MEF2A: variants seen among roughly 807,000 people sequenced by gnomAD.
MEF2A encodes myocyte enhancer factor 2A.
In MEF2A, 28 loss-of-function variants were observed where a neutral mutation model predicts 55.8. The ratio of observed to expected loss-of-function variants is 0.50; its 90% CI spans 0.37 to 0.69. The LOEUF (loss-of-function observed/expected upper bound fraction) is 0.69, where lower values mean the gene tolerates loss of function less well. Among genes scored for constraint, MEF2A ranks in the 30% least tolerant of loss-of-function variants. MEF2A has a pLI of 0.00. For missense variants in MEF2A, 528 were observed against 626.2 expected (o/e 0.84, Z 1.67); for synonymous variants, 239 against 227.1 (o/e 1.05, Z -0.47).
rs1207997036 is a variant in MEF2A at position 99,566,113 on chromosome 15, C to G, written c.-225+9C>G. 1 of 150,036 alleles carries G rather than the reference C, an allele frequency of 6.7e-6. No individual in the cohort carries two copies. Among genetic ancestry groups the G allele is most frequent in the Non-Finnish European group, 1.5e-5 (1 of 67,862 alleles). 9.3% of individuals were successfully genotyped at this position (150,036 alleles called of 1,614,324 possible). A position where few individuals can be genotyped will look rare whatever the true frequency, so the allele number is the denominator to read the frequency against. On this transcript the variant is annotated intron_variant, in intron 1 of 11. Coordinates refer to ENST00000557942, the MANE Select transcript of MEF2A (RefSeq NM_001319206.4). ...GCTGCTCCGGAGATACGGTGAGGGC[C>G]GCGGGCAGCGGGGCTCAGTCCGCGA...
At chr15:99,636,226 T>G (rs2043807761) in intron 3 of MEF2A, among the ~76,000 whole-genome samples, 1 of 152,232 alleles carries the variant, frequency 6.6e-6, no homozygotes, top group African/African-American at 2.4e-5. Context: ...TGTTTTCTTC[T>G]AATGGGCTGC....
At chr15:99,706,943 TATTGAA>T in intron 10 of MEF2A, 88 bp downstream of exon 10, 2 of 1,415,784 alleles carry the variant, frequency 1.4e-6, no homozygotes, top group Non-Finnish European at 1.9e-6. Context: ...TAAGTATATT[TATTGAA>T]ATAAACTATT....
At chr15:99,642,180 T>G (rs1301605389) in intron 3 of MEF2A, among the ~76,000 whole-genome samples, 1 of 152,180 alleles carries the variant, frequency 6.6e-6, no homozygotes, top group Non-Finnish European at 1.5e-5. Flanking sequence ...AGATTTGGTC[T>G]TCTGACTTTG....
intron 1 of MEF2A, among the ~76,000 whole-genome samples, chr15:99,594,689 A>G (rs1327045633): frequency 1.3e-5 from 2 of 152,118 alleles, no homozygotes; most frequent in African/African-American, 4.8e-5. Flanking sequence ...ACTGGCATGC[A>G]AGAGACACTT....
intron 4 of MEF2A, among the ~76,000 whole-genome samples, chr15:99,661,709 A>T (rs1376557266): frequency 6.6e-6 from 1 of 152,092 alleles, no homozygotes; most frequent in East Asian, 1.9e-4. Context: ...CAATTACTTT[A>T]AAAGACAGTT....
intron 1 of MEF2A, among the ~76,000 whole-genome samples, chr15:99,587,400 A>G (rs1967705706): frequency 6.6e-6 from 1 of 151,956 alleles, no homozygotes; most frequent in Admixed American, 6.6e-5. Flanking sequence ...TCCTTTTTTT[A>G]TGGCTGCCTT....
At chr15:99,682,501 C>T (rs1241527939) in intron 7 of MEF2A, among the ~76,000 whole-genome samples, 1 of 152,136 alleles carries the variant, frequency 6.6e-6, no homozygotes, top group Non-Finnish European at 1.5e-5. Flanking sequence ...TGAAAAATAT[C>T]TTCATTTTTG....
At chr15:99,675,561 G>A in intron 7 of MEF2A, 103 bp downstream of exon 7, 1 of 989,948 alleles carries the variant, frequency 1.0e-6, no homozygotes, top group African/African-American at 1.6e-5. Flanking sequence ...TCCTTCTGAA[G>A]GGTACTTTCA....
In MEF2A at chr15:99,611,824, A is replaced by G. The variant is rs555280302; in HGVS notation, c.-143+13313A>G. Among the ~76,000 whole-genome samples the G allele has an allele frequency of 3.3e-5, 5 of 152,368 alleles. No individual in the cohort carries two copies. The East Asian group carries it at 9.6e-4, about 29-fold the overall frequency. ...AAATGTGGTGTATCCATACAGTACA[A>G]TATTATTCAGCCAAAAAAGGATGAA... On this transcript the variant is annotated intron_variant, in intron 2 of 11. Coordinates refer to ENST00000557942, the MANE Select transcript of MEF2A (RefSeq NM_001319206.4).
intron 8 of MEF2A, among the ~76,000 whole-genome samples, chr15:99,693,093 T>C (rs1392225065): frequency 6.6e-6 from 1 of 152,144 alleles, no homozygotes; most frequent in African/African-American, 2.4e-5. Flanking sequence ...GGTGCCCTGA[T>C]GGTAACCAGA....
At position 99,712,227 on chromosome 15, in the gene MEF2A, T is replaced by C. The variant is rs1416914346; in HGVS notation, c.1137-163T>C. On this transcript the variant is annotated intron_variant, in intron 11 of 11. Transcript: ENST00000557942. The surrounding 1 kb of genome is among the most constrained non-coding windows in gnomAD (Gnocchi z 4.1). ...TCCTCCTAGGAAGATGGGATTTCCT[T>C]TTGTGCCAAGCACTGAAGGAAACGA... is the stretch of plus-strand genomic sequence containing the variant. Among the ~76,000 whole-genome samples, 1 of 152,144 alleles carries C rather than the reference T, an allele frequency of 6.6e-6. No individual in the cohort carries two copies. Among genetic ancestry groups the C allele is most frequent in the African/African-American group, 2.4e-5 (1 of 41,426 alleles).
chr15:99,710,349 T>C (rs369758163), intron 10 of MEF2A, among the ~76,000 whole-genome samples: 3 of 152,120 alleles, frequency 2.0e-5, no homozygotes, highest in East Asian at 1.9e-4. Flanking sequence ...TTCAAGCAGT[T>C]CTCCTGCCTC....
intron 2 of MEF2A, among the ~76,000 whole-genome samples, chr15:99,609,115 A>C (rs1298887416): frequency 6.6e-6 from 1 of 152,186 alleles, no homozygotes; most frequent in Non-Finnish European, 1.5e-5. Context: ...AGTGGAAGAC[A>C]AGTTGGCTTT....
rs144248418 is a variant in MEF2A, at chr15:99,628,707, T to C, written c.-142-4271T>C. Among the ~76,000 whole-genome samples the C allele has an allele frequency of 6.2e-4, 94 of 152,344 alleles. 1 individual carries two copies. Among genetic ancestry groups the C allele is most frequent in the African/African-American group, 2.2e-3 (90 of 41,582 alleles). ...CATTTTGCTATCCTCCCCTATTATGTACTATTACTGTTATGTATTGTAACA... is the reference window on the plus strand; with the variant it reads ...CATTTTGCTATCCTCCCCTATTATGCACTATTACTGTTATGTATTGTAACA... On this transcript the variant is annotated intron_variant, in intron 2 of 11. Coordinates refer to ENST00000557942, the MANE Select transcript of MEF2A (RefSeq NM_001319206.4).
intron 2 of MEF2A, among the ~76,000 whole-genome samples, chr15:99,617,516 C>T (rs183743106): frequency 6.4e-4 from 98 of 152,128 alleles, no homozygotes; most frequent in Non-Finnish European, 7.9e-4. Flanking sequence ...TCTCCTTGTC[C>T]TTTTGGGAAC....
At chr15:99,567,715 G>C (rs1960333941) in intron 1 of MEF2A, among the ~76,000 whole-genome samples, 2 of 148,030 alleles carry the variant, frequency 1.4e-5, no homozygotes, top group Admixed American at 1.3e-4. Context: ...TACAACTTTT[G>C]TTTTAGGGAA....
chr15:99,678,149 A>G (rs546937093), intron 7 of MEF2A, among the ~76,000 whole-genome samples: 2 of 152,342 alleles, frequency 1.3e-5, no homozygotes, highest in South Asian at 4.1e-4. Context: ...TTTCCATTAT[A>G]TCTTTTTCTT....
At chr15:99,669,928 A>G (rs1217479009) in intron 4 of MEF2A, among the ~76,000 whole-genome samples, 1 of 152,232 alleles carries the variant, frequency 6.6e-6, no homozygotes, top group Non-Finnish European at 1.5e-5. Context: ...GGACTAGTTC[A>G]GTGATCAAGC....
chr15:99,632,326 A>C (rs897035003), intron 2 of MEF2A, among the ~76,000 whole-genome samples: 1 of 152,234 alleles, frequency 6.6e-6, no homozygotes, highest in East Asian at 1.9e-4. Context: ...ATTTAAATGC[A>C]TATTTTTACG....
Sources: allele counts gnomAD v4.1 joint callset (sites outside exome capture counted in the v4.1 genomes callset), GRCh38; gene constraint gnomAD v4.1.1; non-coding constraint Gnocchi (gnomAD v3.1); transcripts MANE v1.5; gene names NCBI Gene and HGNC (gene_info 2026-07-23, HGNC 2026-07-21).